CAPZB: variants seen among roughly 807,000 people sequenced by gnomAD.
CAPZB encodes F-actin-capping protein subunit beta.
A neutral mutation model predicts 38.1 loss-of-function variants in CAPZB; 2 were observed. The observed-to-expected ratio is 0.05, with a 90% CI of 0.02 to 0.17. The LOEUF is 0.17. CAPZB is among the 10% of genes least tolerant of loss of function. The probability of loss-of-function intolerance (pLI) is 1.00; values close to 1 mark genes in which losing one functional copy is unlikely to be tolerated. For synonymous variants in CAPZB, 107 were observed against 127.4 expected (o/e 0.84, Z 1.08); for missense variants, 161 against 334.2 (o/e 0.48, Z 4.04).
chr1:19,483,919 G>C (rs2094640210), intron 1 of CAPZB, among the ~76,000 whole-genome samples: 2 of 152,130 alleles, frequency 1.3e-5, no homozygotes, highest in Non-Finnish European at 2.9e-5. Context: ...ACTAAACAAG[G>C]AACCATGGTC....
chr1:19,399,030 T>A (rs771399618), intron 2 of CAPZB, among the ~76,000 whole-genome samples: 14 of 152,046 alleles, frequency 9.2e-5, no homozygotes, highest in African/African-American at 1.4e-4. Context: ...CTAATTTTTT[T>A]ATTTTTTAGT....
At chr1:19,381,372 CT>C (rs2094173938) in intron 3 of CAPZB, among the ~76,000 whole-genome samples, 1 of 150,836 alleles carries the variant, frequency 6.6e-6, no homozygotes, top group Admixed American at 6.6e-5. Context: ...TGCAAGAGGT[CT>C]TTGACAGCAG....
chr1:19,410,010 CT>C (rs2094350597), intron 2 of CAPZB, among the ~76,000 whole-genome samples: 1 of 152,220 alleles, frequency 6.6e-6, no homozygotes, highest in South Asian at 2.1e-4. Flanking sequence ...AAAGTATTAG[CT>C]GTTTCAACAC....
At chr1:19,352,421 C>T (rs1274743014) in intron 6 of CAPZB, among the ~76,000 whole-genome samples, 4 of 152,252 alleles carry the variant, frequency 2.6e-5, no homozygotes, top group Admixed American at 2.0e-4. Context: ...GGCCCTTCCC[C>T]GGATGGGAAA....
rs146749758 is a variant in CAPZB at position 19,416,053 on chromosome 1, G to A, written c.93+3608C>T. ...GGCCCCAGGTGGCCTCCACACAGCC[G>A]GTGAAGGGAGCTGGTGCCTCTCAGG... is the stretch of plus-strand genomic sequence containing the variant. On this transcript the variant is annotated intron_variant, in intron 2 of 8. Coordinates refer to ENST00000264202, the MANE Select transcript of CAPZB (RefSeq NM_004930.5). Among the ~76,000 whole-genome samples, 25 of 152,350 alleles carry A rather than the reference G, an allele frequency of 1.6e-4. 1 individual carries two copies. The highest frequency in any genetic ancestry group is 4.1e-4 in the African/African-American group (17 of 41,580).
intron 4 of CAPZB, among the ~76,000 whole-genome samples, chr1:19,363,698 G>A (rs1315113287): frequency 6.6e-6 from 1 of 152,194 alleles, no homozygotes; most frequent in Admixed American, 6.5e-5. Context: ...CGGGGAATCT[G>A]AGCTGTAACT....
chr1:19,459,007 T>A (rs1038915366), intron 1 of CAPZB, among the ~76,000 whole-genome samples: 2 of 152,216 alleles, frequency 1.3e-5, no homozygotes, highest in African/African-American at 4.8e-5. Context: ...AGGCAAAGTC[T>A]GTTGGCAGGA....
intron 1 of CAPZB, among the ~76,000 whole-genome samples, chr1:19,478,015 T>C (rs1263127448): frequency 1.3e-5 from 2 of 152,244 alleles, no homozygotes; most frequent in Non-Finnish European, 2.9e-5. Flanking sequence ...AGCATCATGC[T>C]GAGTTCAGCA....
chr1:19,390,022 G>A (rs1558215066), intron 2 of CAPZB, among the ~76,000 whole-genome samples: 1 of 152,160 alleles, frequency 6.6e-6, no homozygotes, highest in South Asian at 2.1e-4. Context: ...GCAGCATCAC[G>A]CCCGCTGCAG....
In CAPZB at chr1:19,410,975, G is replaced by T. The variant is rs193256572; in HGVS notation, c.93+8686C>A. On this transcript the variant is annotated intron_variant, in intron 2 of 8. Coordinates refer to ENST00000264202, the MANE Select transcript of CAPZB (RefSeq NM_004930.5). ...ACAGAATGGCTATGAAGACAGATAA[G>T]GTCCTGGATGAAGCGTATTAATAAT... Among the ~76,000 whole-genome samples the T allele has an allele frequency of 1.4e-4, 22 of 152,210 alleles. No individual in the cohort carries two copies. In the East Asian group the frequency reaches 3.9e-3, roughly 27 times the overall value.
intron 6 of CAPZB, among the ~76,000 whole-genome samples, chr1:19,348,215 T>C (rs1207103648): frequency 6.6e-6 from 1 of 152,046 alleles, no homozygotes; most frequent in African/African-American, 2.4e-5. Flanking sequence ...CCCTCTGTTC[T>C]GTCCTGGCCC....
intron 1 of CAPZB, among the ~76,000 whole-genome samples, chr1:19,450,113 C>A (rs2094509743): frequency 8.1e-6 from 1 of 123,422 alleles, no homozygotes; most frequent in Admixed American, 1.0e-4. Flanking sequence ...CATTGCACTC[C>A]AACCTGGGCA....
At chr1:19,385,404 G>T (rs1570073218) in intron 3 of CAPZB, 101 bp downstream of exon 3, 1 of 1,391,250 alleles carries the variant, frequency 7.2e-7, no homozygotes, top group East Asian at 2.3e-5. Flanking sequence ...TGAATGGGCT[G>T]CCAGCTGCCC....
chr1:19,399,575 G>A (rs1558226143), intron 2 of CAPZB, among the ~76,000 whole-genome samples: 1 of 152,152 alleles, frequency 6.6e-6, no homozygotes, highest in Non-Finnish European at 1.5e-5. Context: ...GTGCTACATG[G>A]GGCATGGGCC....
Position 19,357,364 on chromosome 1 carries a change from T to C in CAPZB, c.471+58A>G. On this transcript the variant is annotated intron_variant, in intron 5 of 8. Coordinates refer to ENST00000264202, the MANE Select transcript of CAPZB (RefSeq NM_004930.5). This position sits in a 1 kb window ranked among gnomAD's most constrained non-coding sequence, Gnocchi z 4.3. ...CATCTGTTAGAGAGCAGCGCGGCAC[T>C]GGTTGGTGTGCCATCTGTACTTAGT... 1 of 1,527,760 alleles carries C rather than the reference T, an allele frequency of 6.5e-7. No individual in the cohort carries two copies. The allele number at this position is 1,527,760 out of a possible 1,614,324, so 94.6% of individuals were successfully genotyped here. A position where few individuals can be genotyped will look rare whatever the true frequency, so the allele number is the denominator to read the frequency against.
intron 2 of CAPZB, among the ~76,000 whole-genome samples, chr1:19,397,575 G>T (rs954127541): frequency 6.6e-6 from 1 of 152,188 alleles, no homozygotes; most frequent in Non-Finnish European, 1.5e-5. Flanking sequence ...GAAGTACTTG[G>T]CAAGATTGGT....
chr1:19,352,634 C>T (rs1438494635), intron 6 of CAPZB, among the ~76,000 whole-genome samples: 3 of 152,270 alleles, frequency 2.0e-5, no homozygotes, highest in Non-Finnish European at 4.4e-5. Flanking sequence ...CGCCTTTCCT[C>T]ACACACATCC....
intron 1 of CAPZB, among the ~76,000 whole-genome samples, chr1:19,444,373 G>T (rs2094489474): frequency 6.6e-6 from 1 of 152,118 alleles, no homozygotes; most frequent in Non-Finnish European, 1.5e-5. Flanking sequence ...GACAACTTGG[G>T]CTTGTATCTT....
At chr1:19,449,331 C>T in intron 1 of CAPZB, 2 of 1,025,094 alleles carry the variant, frequency 2.0e-6, no homozygotes, top group Non-Finnish European at 2.3e-6. Flanking sequence ...AGGCATGGAG[C>T]TGAGGAACGG....
Sources: allele counts gnomAD v4.1 joint callset (sites outside exome capture counted in the v4.1 genomes callset), GRCh38; gene constraint gnomAD v4.1.1; non-coding constraint Gnocchi (gnomAD v3.1); transcripts MANE v1.5; gene names NCBI Gene and HGNC (gene_info 2026-07-23, HGNC 2026-07-21).